The following COL23A1 variants were observed in gnomAD, a reference collection of about 807,000 sequenced individuals.
The protein encoded by COL23A1 is collagen alpha-1(XXIII) chain.
COL23A1 carries 97 observed loss-of-function variants against 99.3 expected under a neutral mutation model. The observed-to-expected ratio is 0.98, with a 90% confidence interval of 0.83 to 1.16. The LOEUF is 1.16. Ranked by LOEUF, COL23A1 falls within the 50% of genes most tolerant of loss-of-function variation. The probability of loss-of-function intolerance (pLI) is 0.00; values close to 1 mark genes in which losing one functional copy is unlikely to be tolerated. For missense variants in COL23A1, 762 were observed against 757.4 expected (o/e 1.01, Z -0.07); for synonymous variants, 320 against 308.2 (o/e 1.04, Z -0.40).
intron 2 of COL23A1, among the ~76,000 whole-genome samples, chr5:178,530,786 C>T (rs912413523): frequency 1.3e-5 from 2 of 152,226 alleles, no homozygotes; most frequent in African/African-American, 4.8e-5. Context: ...CTCGTTCTAG[C>T]CTCCCTCCCA....
intron 2 of COL23A1, among the ~76,000 whole-genome samples, chr5:178,525,863 T>G (rs1760275204): frequency 6.6e-6 from 1 of 152,280 alleles, no homozygotes; most frequent in African/African-American, 2.4e-5. Flanking sequence ...AAGCACGGCC[T>G]AGGCCAGAAG....
intron 2 of COL23A1, among the ~76,000 whole-genome samples, chr5:178,541,153 G>A (rs891381344): frequency 6.6e-6 from 1 of 152,078 alleles, no homozygotes; most frequent in African/African-American, 2.4e-5. Flanking sequence ...AAATAGAACA[G>A]AACAGCAAAA....
intron 2 of COL23A1, among the ~76,000 whole-genome samples, chr5:178,536,137 G>C (rs570160271): frequency 6.6e-6 from 1 of 152,378 alleles, no homozygotes; most frequent in East Asian, 1.9e-4. Context: ...CTTCAATACA[G>C]AAATCTCCTT....
chr5:178,343,328 C>T (rs1268355687), intron 2 of COL23A1, among the ~76,000 whole-genome samples: 22 of 152,104 alleles, frequency 1.4e-4, no homozygotes, highest in African/African-American at 4.8e-4. Flanking sequence ...TCCTGGGACA[C>T]GAGGGAGCAG....
In COL23A1 at chr5:178,309,396, C is replaced by T. The variant is rs958395850; in HGVS notation, c.362-2477G>A. On this transcript the variant is annotated intron_variant, in intron 2 of 28. Transcript: ENST00000390654. This position sits in a 1 kb window ranked among gnomAD's most constrained non-coding sequence, Gnocchi z 4.7. ...TTGCTGAGCATACAGGGCCTGTGAG[C>T]CGCAGGCCAGGCAGGCTGGATGTGA... Among the ~76,000 whole-genome samples, 1 of 152,238 alleles carries T rather than the reference C, an allele frequency of 6.6e-6. No individual in the cohort carries two copies. Among genetic ancestry groups the T allele is most frequent in the African/African-American group, 2.4e-5 (1 of 41,538 alleles).
In COL23A1 at chr5:178,405,215, C is replaced by T. The variant is rs965263419; in HGVS notation, c.362-98296G>A. On this transcript the variant is annotated intron_variant, in intron 2 of 28. Transcript: ENST00000390654. ...GGGAAGTGATGGATAAACCACAGCC[C>T]GGCTCTGAGGCCACCTCCACCCTGA... Among the ~76,000 whole-genome samples the T allele has an allele frequency of 9.9e-5, 15 of 152,230 alleles. No individual in the cohort carries two copies. In the East Asian group the frequency reaches 1.7e-3, roughly 18 times the overall value.
At chr5:178,260,551 T>C (rs895327389) in intron 11 of COL23A1, among the ~76,000 whole-genome samples, 4 of 152,106 alleles carry the variant, frequency 2.6e-5, no homozygotes, top group Admixed American at 1.3e-4. Context: ...TCCTAGCACT[T>C]TGGGAGGCTG....
chr5:178,245,047 TATC>T (rs1324387569), intron 25 of COL23A1, among the ~76,000 whole-genome samples: 1 of 138,936 alleles, frequency 7.2e-6, no homozygotes, highest in Non-Finnish European at 1.5e-5. Context: ...ACTCATCATC[TATC>T]ATCCATCCAT....
At chr5:178,577,103 GA>G (rs1350427603) in intron 1 of COL23A1, among the ~76,000 whole-genome samples, 1 of 152,144 alleles carries the variant, frequency 6.6e-6, no homozygotes, top group African/African-American at 2.4e-5. Context: ...CCTGTGGGCC[GA>G]GGCCCCGGCG....
rs541045775 is a variant in COL23A1, at chr5:178,261,634, G to C, written c.702+88C>G. 2.7e-4 allele frequency: 241 copies of C among 885,082 alleles called. 1 individual carries two copies. The South Asian group carries it at 2.7e-3, about 10-fold the overall frequency. The allele number at this position is 885,082 out of a possible 1,614,324, so 54.8% of individuals were successfully genotyped here. A position where few individuals can be genotyped will look rare whatever the true frequency, so the allele number is the denominator to read the frequency against. Reference sequence around the variant, plus strand: ...CTGCTGCCTTGGCTTCACTAGGGGTGGGGGGAAGAGACAGGAAGTGGAGGT... The same window carrying C: ...CTGCTGCCTTGGCTTCACTAGGGGTCGGGGGAAGAGACAGGAAGTGGAGGT... On this transcript the variant is annotated intron_variant, in intron 11 of 28. Transcript: ENST00000390654.
At chr5:178,282,539 G>A (rs914987332) in intron 5 of COL23A1, among the ~76,000 whole-genome samples, 17 of 152,244 alleles carry the variant, frequency 1.1e-4, no homozygotes, top group Non-Finnish European at 2.2e-4. Flanking sequence ...GCTGGTTGGT[G>A]TGAGGGAGTA....
intron 5 of COL23A1, among the ~76,000 whole-genome samples, chr5:178,272,461 C>T (rs573620045): frequency 9.8e-5 from 15 of 152,310 alleles, no homozygotes; most frequent in African/African-American, 3.4e-4. Flanking sequence ...GTCTCATGGT[C>T]GCTGAGGGTT....
chr5:178,240,844 A>T (rs1468078075), intron 27 of COL23A1, among the ~76,000 whole-genome samples: 2 of 152,186 alleles, frequency 1.3e-5, no homozygotes, highest in East Asian at 3.9e-4. Flanking sequence ...CCACGTCTGA[A>T]TATCTGTCCA....
At chr5:178,389,976 G>A (rs966780152) in intron 2 of COL23A1, among the ~76,000 whole-genome samples, 4 of 152,224 alleles carry the variant, frequency 2.6e-5, no homozygotes, top group Admixed American at 2.6e-4. Context: ...ACGCTCGGCG[G>A]CAGGAGCTAG....
intron 25 of COL23A1, among the ~76,000 whole-genome samples, chr5:178,244,654 A>G (rs1041408215): frequency 6.6e-6 from 1 of 152,228 alleles, no homozygotes; most frequent in African/African-American, 2.4e-5. Flanking sequence ...GAAAGCAGAC[A>G]AGACAGGGTG....
At chr5:178,348,634 G>C (rs147122805) in intron 2 of COL23A1, among the ~76,000 whole-genome samples, 150 of 152,326 alleles carry the variant, frequency 9.8e-4, no homozygotes, top group African/African-American at 3.6e-3. Flanking sequence ...TCCCTGCCTG[G>C]CTGCAGAGCA....
In COL23A1 at chr5:178,270,347, T is replaced by C; in HGVS notation, c.458A>G (p.Asp153Gly). Residue 153 changes from aspartate (D) to glycine (G), a missense_variant, in exon 6 of 29, where the codon GAT becomes GGT. Physicochemically the swap from Asp to Gly is moderately conservative, Grantham distance 94. Transcript: ENST00000390654. ...CCTGTCATCACTTACGGGCTTGCCA[T>C]CCAAACCCAGGGGTCCCTGGAAAAC... ...RDGYPGPLGLDGKPGLPGPKG... is the reference protein window; with the variant it reads ...RDGYPGPLGLGGKPGLPGPKG... 6.2e-7 allele frequency: 1 copy of C among 1,613,868 alleles called. No individual in the cohort carries two copies. The highest frequency in any genetic ancestry group is 8.5e-7 in the Non-Finnish European group (1 of 1,179,958).
chr5:178,357,718 A>G (rs976510098), intron 2 of COL23A1, among the ~76,000 whole-genome samples: 62 of 145,962 alleles, frequency 4.2e-4, no homozygotes, highest in African/African-American at 1.1e-3. Flanking sequence ...AAATGTGTGT[A>G]TGTGTGTGTG....
chr5:178,331,860 C>A (rs1760043283), intron 2 of COL23A1, among the ~76,000 whole-genome samples: 1 of 152,224 alleles, frequency 6.6e-6, no homozygotes, highest in South Asian at 2.1e-4. Flanking sequence ...GCAGCCCGGG[C>A]AGTCAGCCGG....
Sources: gnomAD v4.1 joint callset for allele counts (sites outside exome capture counted in the v4.1 genomes callset) on GRCh38, gnomAD v4.1.1 for gene constraint, Gnocchi (gnomAD v3.1) non-coding constraint, MANE v1.5 for transcripts, NCBI Gene and HGNC (gene_info 2026-07-23, HGNC 2026-07-21) for gene names.